GRIN2B: variants seen among roughly 807,000 people sequenced by gnomAD.
GRIN2B encodes the protein glutamate ionotropic receptor NMDA type subunit 2B.
Under a neutral mutation model 114.5 loss-of-function variants are expected in GRIN2B, and 5 were observed. That is an observed-to-expected ratio of 0.04 (90% CI 0.02 to 0.09). GRIN2B has a LOEUF of 0.09. GRIN2B is among the 10% of genes least tolerant of loss of function. The pLI is 1.00. For synonymous variants in GRIN2B, 787 were observed against 745.1 expected (o/e 1.06, Z -0.92); for missense variants, 1,108 against 1,943.5 (o/e 0.57, Z 8.08).
At chr12:13,927,389 A>C (rs1463461919) in intron 2 of GRIN2B, among the ~76,000 whole-genome samples, 5 of 152,152 alleles carry the variant, frequency 3.3e-5, no homozygotes, top group Non-Finnish European at 7.4e-5. Context: ...AAAGTGACAG[A>C]TAGTAAATAT....
intron 2 of GRIN2B, among the ~76,000 whole-genome samples, chr12:13,975,630 T>G (rs1863006726): frequency 6.6e-6 from 1 of 152,204 alleles, no homozygotes; most frequent in Non-Finnish European, 1.5e-5. Context: ...ATCAACTAAT[T>G]AATATCTCAC....
At chr12:13,609,791 A>G (rs988183981) in intron 9 of GRIN2B, among the ~76,000 whole-genome samples, 4 of 151,802 alleles carry the variant, frequency 2.6e-5, no homozygotes, top group Admixed American at 1.3e-4. Flanking sequence ...AAAAAAAAGA[A>G]TATCAGGAAG....
intron 3 of GRIN2B, among the ~76,000 whole-genome samples, chr12:13,761,254 T>C (rs1447144501): frequency 6.6e-6 from 1 of 152,266 alleles, no homozygotes; most frequent in Non-Finnish European, 1.5e-5. Flanking sequence ...TTTCAGAAGA[T>C]AATTGTCCTT....
At chr12:13,605,552 GACACACACACAC>G (rs66916614) in intron 10 of GRIN2B, among the ~76,000 whole-genome samples, 2 of 129,712 alleles carry the variant, frequency 1.5e-5, no homozygotes, top group Admixed American at 8.0e-5. Flanking sequence ...CTCTCTCTCT[GACACACACACAC>G]ACACACACAC....
intron 3 of GRIN2B, among the ~76,000 whole-genome samples, chr12:13,861,923 A>T (rs1025986841): frequency 3.9e-5 from 6 of 152,198 alleles, no homozygotes; most frequent in Non-Finnish European, 1.5e-5. Context: ...TCAGTGAAGC[A>T]CTTGCCATGT....
chr12:13,848,323 C>T (rs67376488), intron 3 of GRIN2B, among the ~76,000 whole-genome samples: 55,854 of 151,892 alleles, frequency 0.37, 10,524 homozygotes, highest in African/African-American at 0.39. Context: ...CTTAGTGTTA[C>T]AGACTGAAAG....
intron 3 of GRIN2B, among the ~76,000 whole-genome samples, chr12:13,825,299 C>T (rs142564713): frequency 6.6e-6 from 1 of 151,788 alleles, no homozygotes; most frequent in East Asian, 1.9e-4. Flanking sequence ...AATCAACTTA[C>T]ACTTGATAAG....
intron 1 of GRIN2B, among the ~76,000 whole-genome samples, chr12:13,981,121 C>G (rs1444138542): frequency 1.3e-5 from 2 of 151,582 alleles, no homozygotes; most frequent in African/African-American, 2.4e-5. Flanking sequence ...CCCCAAAAGA[C>G]CAGAGACAGC....
intron 2 of GRIN2B, among the ~76,000 whole-genome samples, chr12:13,938,865 C>A (rs980762493): frequency 6.6e-6 from 1 of 152,068 alleles, no homozygotes; most frequent in Non-Finnish European, 1.5e-5. Context: ...ACTTAAAATA[C>A]GTAAATTTTT....
At chr12:13,755,778 T>C (rs376630215) in intron 3 of GRIN2B, among the ~76,000 whole-genome samples, 117 of 152,190 alleles carry the variant, frequency 7.7e-4, no homozygotes, top group African/African-American at 2.8e-3. Context: ...AATTCATACG[T>C]TGAAATCCTA....
At chr12:13,947,251 A>G (rs1867377756) in intron 2 of GRIN2B, among the ~76,000 whole-genome samples, 2 of 152,210 alleles carry the variant, frequency 1.3e-5, no homozygotes, top group Non-Finnish European at 2.9e-5. Context: ...CTAATAAACC[A>G]TGAGGTTGCA....
rs748829220 is a variant in GRIN2B at position 13,608,723 on chromosome 12, G to A, written c.1890C>T (p.Ile630=). The stretch of plus-strand genomic sequence containing the variant: ...CAAAGAAGGCCCACACTGACACCAT[G>A]ATCTTGGAGGTGGTCCCCTTTGGGT... ...VQNPKGTTSK[I]MVSVWAFFAV... is the part of the protein sequence containing the mutation. The change falls in exon 10 of 14, where the codon ATC becomes ATT. Residue 630 remains isoleucine, a synonymous_variant. Transcript: ENST00000609686. 5.6e-6 allele frequency: 9 copies of A among 1,614,128 alleles called. No individual in the cohort carries two copies. In the South Asian group the frequency reaches 9.9e-5, roughly 18 times the overall value.
chr12:13,755,923 C>T (rs1286888585), intron 3 of GRIN2B, among the ~76,000 whole-genome samples: 2 of 152,224 alleles, frequency 1.3e-5, no homozygotes, highest in South Asian at 2.1e-4. Context: ...CAAGAAGATG[C>T]TCTCTATGAG....
intron 10 of GRIN2B, among the ~76,000 whole-genome samples, chr12:13,607,048 G>A (rs1015827893): frequency 2.0e-5 from 3 of 147,122 alleles, no homozygotes; most frequent in African/African-American, 7.6e-5. Flanking sequence ...TCTCCTCAGT[G>A]TGGGTACACA....
intron 2 of GRIN2B, among the ~76,000 whole-genome samples, chr12:13,872,449 C>T (rs1466635219): frequency 3.4e-5 from 4 of 118,406 alleles, no homozygotes; most frequent in African/African-American, 9.2e-5. Flanking sequence ...AGCAAGGCTC[C>T]GACTCAAAAA....
chr12:13,753,466 A>G lies in GRIN2B; in HGVS notation c.861T>C (p.Tyr287=). ...CATCTCTCACTCTGGCGGGGAGGCC[A>G]TAGTCCCATTCATCATATGATACAG... ...LISVSYDEWD[Y]GLPARVRDGI... is the part of the protein sequence containing the mutation. Residue 287 remains tyrosine, a synonymous_variant, in exon 4 of 14, where the codon TAT becomes TAC. Coordinates refer to ENST00000609686, the MANE Select transcript of GRIN2B (RefSeq NM_000834.5). The surrounding 1 kb of genome is among the most constrained non-coding windows in gnomAD (Gnocchi z 6.2). The G allele has an allele frequency of 6.2e-7, 1 of 1,614,170 alleles. No individual in the cohort carries two copies. The highest frequency in any genetic ancestry group is 8.5e-7 in the Non-Finnish European group (1 of 1,180,004).
intron 3 of GRIN2B, among the ~76,000 whole-genome samples, chr12:13,808,743 TAAAAA>T (rs61197260): frequency 8.7e-6 from 1 of 115,042 alleles, no homozygotes; most frequent in African/African-American, 3.1e-5. Context: ...TAAAGTATAA[TAAAAA>T]AAAAATATAT....
intron 3 of GRIN2B, among the ~76,000 whole-genome samples, chr12:13,821,598 A>G (rs931535831): frequency 3.3e-5 from 5 of 152,366 alleles, no homozygotes; most frequent in African/African-American, 1.2e-4. Context: ...GAGGTAGCAT[A>G]AAACAAACTT....
chr12:13,791,235 G>T (rs190570814), intron 3 of GRIN2B, among the ~76,000 whole-genome samples: 178 of 152,144 alleles, frequency 1.2e-3, no homozygotes, highest in African/African-American at 4.2e-3. Context: ...AGGCAAAGGC[G>T]GGCGGATCAT....
Sources: allele counts gnomAD v4.1 joint callset (sites outside exome capture counted in the v4.1 genomes callset), GRCh38; gene constraint gnomAD v4.1.1; non-coding constraint Gnocchi (gnomAD v3.1); transcripts MANE v1.5; gene names NCBI Gene and HGNC (gene_info 2026-07-23, HGNC 2026-07-21).